Variants in ADAT2 observed in about 807,000 individuals in gnomAD.
ADAT2 encodes tRNA-specific adenosine-34 deaminase catalytic subunit ADAT2.
In ADAT2, 26 loss-of-function variants were observed where a neutral mutation model predicts 25.9. The observed-to-expected ratio is 1.00, with a 90% CI of 0.74 to 1.39. ADAT2 has a LOEUF of 1.39. Among genes scored for constraint, ADAT2 ranks in the 40% most tolerant of loss-of-function variants. The pLI is 0.00. For synonymous variants in ADAT2, 76 were observed against 86.8 expected (o/e 0.88, Z 0.69); for missense variants, 220 against 244.8 (o/e 0.90, Z 0.68).
chr6:143,449,408 T>C (rs1455213897), intron 1 of ADAT2, among the ~76,000 whole-genome samples: 1 of 152,220 alleles, frequency 6.6e-6, no homozygotes, highest in Non-Finnish European at 1.5e-5. Flanking sequence ...TCTAGACCTC[T>C]CTGGCTTTGA....
Position 143,425,293 on chromosome 6 carries a change from T to C in ADAT2, c.*3170A>G, listed in dbSNP as rs1269490869. Reference sequence around the variant, plus strand: ...GCTTTGGGAGGCCAAGGAAGGAGGATTGCTTCAGCCTAGGAGTTCAAGACC... The same window carrying C: ...GCTTTGGGAGGCCAAGGAAGGAGGACTGCTTCAGCCTAGGAGTTCAAGACC... On this transcript the variant is annotated 3_prime_UTR_variant, in exon 6 of 6. Coordinates refer to ENST00000237283, the MANE Select transcript of ADAT2 (RefSeq NM_182503.3). 2 of 150,710 alleles carry C rather than the reference T, an allele frequency of 1.3e-5. No homozygotes were observed. Among genetic ancestry groups the C allele is most frequent in the African/African-American group, 2.5e-5 (1 of 40,238 alleles). The allele number at this position is 150,710 out of a possible 1,614,324, so 9.3% of individuals were successfully genotyped here. A position where few individuals can be genotyped will look rare whatever the true frequency, so the allele number is the denominator to read the frequency against.
intron 1 of ADAT2, among the ~76,000 whole-genome samples, chr6:143,448,259 G>T (rs565742084): frequency 6.6e-6 from 1 of 152,004 alleles, no homozygotes; most frequent in Non-Finnish European, 1.5e-5. Context: ...CATGGGGTTG[G>T]GGGGAGAGGG....
At position 143,434,173 on chromosome 6, in the gene ADAT2, A is replaced by G. The variant is rs890924562; in HGVS notation, c.202-192T>C. On this transcript the variant is annotated intron_variant, in intron 2 of 5. Coordinates refer to ENST00000237283, the MANE Select transcript of ADAT2 (RefSeq NM_182503.3). This position sits in a 1 kb window ranked among gnomAD's most constrained non-coding sequence, Gnocchi z 4.5. ...AGTACCATAACCTCACTTGCGAAAGATATCTAATCAGAGATGCCACAGGAA... is the reference window on the plus strand; with the variant it reads ...AGTACCATAACCTCACTTGCGAAAGGTATCTAATCAGAGATGCCACAGGAA... 1.3e-5 allele frequency among the ~76,000 whole-genome samples: 2 copies of G among 152,218 alleles called. No homozygotes were observed. The highest frequency in any genetic ancestry group is 2.1e-4 in the South Asian group (1 of 4,836).
At chr6:143,449,052 C>CTTTTTTT (rs145460814) in intron 1 of ADAT2, among the ~76,000 whole-genome samples, 31 of 151,200 alleles carry the variant, frequency 2.1e-4, no homozygotes, top group African/African-American at 2.9e-4. Flanking sequence ...TACTTTGTAT[C>CTTTTTTT]TTTTTCTTTT....
At position 143,440,704 on chromosome 6, in the gene ADAT2, T is replaced by G. The variant is rs540936571; in HGVS notation, c.97-2010A>C. Among the ~76,000 whole-genome samples the G allele has an allele frequency of 6.6e-5, 10 of 152,272 alleles. No individual in the cohort carries two copies. In the South Asian group the frequency reaches 1.9e-3, roughly 28 times the overall value. On this transcript the variant is annotated intron_variant, in intron 1 of 5. Transcript: ENST00000237283. The surrounding 1 kb of genome is among the most constrained non-coding windows in gnomAD (Gnocchi z 4.5). ...TTGGTTAATATAGACAAATGCACCA[T>G]AGGCTACTATAGAGAAGAAAGCCAG...
intron 1 of ADAT2, among the ~76,000 whole-genome samples, 164 bp from the exon 2 acceptor site, chr6:143,438,858 C>T (rs958922281): frequency 6.6e-6 from 1 of 152,082 alleles, no homozygotes; most frequent in African/African-American, 2.4e-5. Flanking sequence ...TATTTAGTGC[C>T]CGTGTTCTGT....
At chr6:143,433,233 A>C (rs915820753) in intron 3 of ADAT2, among the ~76,000 whole-genome samples, 2 of 152,220 alleles carry the variant, frequency 1.3e-5, no homozygotes, top group African/African-American at 2.4e-5. Context: ...TTCAATTTTC[A>C]AATAATTTTT....
At position 143,434,905 on chromosome 6, in the gene ADAT2, T is replaced by A. The variant is rs1358451610; in HGVS notation, c.202-924A>T. ...GCACAAGCCACTGGGCTAAATAAAT[T>A]CTGTGTAGGATAAAAAGTCTCTGTC... is the stretch of plus-strand genomic sequence containing the variant. On this transcript the variant is annotated intron_variant, in intron 2 of 5. Coordinates refer to ENST00000237283, the MANE Select transcript of ADAT2 (RefSeq NM_182503.3). The surrounding 1 kb of genome is among the most constrained non-coding windows in gnomAD (Gnocchi z 4.5). 6.6e-6 allele frequency among the ~76,000 whole-genome samples: 1 copy of A among 152,128 alleles called. No individual in the cohort carries two copies. The highest frequency in any genetic ancestry group is 1.5e-5 in the Non-Finnish European group (1 of 68,020).
rs191185618 is a variant in ADAT2, at chr6:143,428,598, A to C, written c.532+14T>G. 2.5e-6 allele frequency: 4 copies of C among 1,613,904 alleles called. No individual in the cohort carries two copies. The Admixed American group carries it at 6.7e-5, about 27-fold the overall frequency. On this transcript the variant is annotated intron_variant, in intron 5 of 5. Coordinates refer to ENST00000237283, the MANE Select transcript of ADAT2 (RefSeq NM_182503.3). The surrounding 1 kb of genome is among the most constrained non-coding windows in gnomAD (Gnocchi z 5.0). Reference sequence around the variant, plus strand: ...GATTTAAGGGAAGGACATTATCCACAACAGAAAACTGACCATTTGGATTTT... The same window carrying C: ...GATTTAAGGGAAGGACATTATCCACCACAGAAAACTGACCATTTGGATTTT...
Position 143,440,253 on chromosome 6 carries a change from C to A in ADAT2, c.97-1559G>T, listed in dbSNP as rs940018499. On this transcript the variant is annotated intron_variant, in intron 1 of 5. Transcript: ENST00000237283. This position sits in a 1 kb window ranked among gnomAD's most constrained non-coding sequence, Gnocchi z 4.5. ...ATTCTCACTTAAGTGCAGGTACTTA[C>A]ACACATCATAGGGCATATAAAGTGC... 5.3e-5 allele frequency among the ~76,000 whole-genome samples: 8 copies of A among 152,190 alleles called. No individual in the cohort carries two copies. The highest frequency in any genetic ancestry group is 1.9e-4 in the African/African-American group (8 of 41,444).
At chr6:143,449,475 C>T (rs1306315087) in intron 1 of ADAT2, among the ~76,000 whole-genome samples, 2 of 152,132 alleles carry the variant, frequency 1.3e-5, no homozygotes, top group African/African-American at 2.4e-5. Flanking sequence ...CCATAGTTTA[C>T]GTCCTCCTAC....
rs4605902 is a variant in ADAT2 at position 143,444,006 on chromosome 6, T to C, written c.97-5312A>G. Among the ~76,000 whole-genome samples the C allele has an allele frequency of 0.24, 36,188 of 151,862 alleles. 4,805 individuals are homozygous for C. The highest frequency in any genetic ancestry group is 0.3 in the Middle Eastern group (89 of 294). On this transcript the variant is annotated intron_variant, in intron 1 of 5. Transcript: ENST00000237283. This position sits in a 1 kb window ranked among gnomAD's most constrained non-coding sequence, Gnocchi z 4.3. Reference sequence around the variant, plus strand: ...CCGAGTGGAAAGGACGTGAGTGGGATGGGAGATGAGATTCCATGTTGCCTG... The same window carrying C: ...CCGAGTGGAAAGGACGTGAGTGGGACGGGAGATGAGATTCCATGTTGCCTG...
At position 143,442,259 on chromosome 6, in the gene ADAT2, C is replaced by T. The variant is rs1335796630; in HGVS notation, c.97-3565G>A. ...AATGAACTATCGATAATCTCAACAA[C>T]TTGGATGGATCTCATGGGAATCATG... On this transcript the variant is annotated intron_variant, in intron 1 of 5. Coordinates refer to ENST00000237283, the MANE Select transcript of ADAT2 (RefSeq NM_182503.3). The surrounding 1 kb of genome is among the most constrained non-coding windows in gnomAD (Gnocchi z 4.6). 6.6e-6 allele frequency among the ~76,000 whole-genome samples: 1 copy of T among 152,160 alleles called. No individual in the cohort carries two copies. The highest frequency in any genetic ancestry group is 6.5e-5 in the Admixed American group (1 of 15,274).
In ADAT2 at chr6:143,444,308, G is replaced by A. The variant is rs1052185811; in HGVS notation, c.97-5614C>T. Reference sequence around the variant, plus strand: ...GTTGAGGAATGGCCGAGCCTGCCATGCTGAGGATGAGTGGGTAAGCAACTG... The same window carrying A: ...GTTGAGGAATGGCCGAGCCTGCCATACTGAGGATGAGTGGGTAAGCAACTG... On this transcript the variant is annotated intron_variant, in intron 1 of 5. Coordinates refer to ENST00000237283, the MANE Select transcript of ADAT2 (RefSeq NM_182503.3). The surrounding 1 kb of genome is among the most constrained non-coding windows in gnomAD (Gnocchi z 4.3). Among the ~76,000 whole-genome samples, 2 of 152,142 alleles carry A rather than the reference G, an allele frequency of 1.3e-5. No homozygotes were observed. Among genetic ancestry groups the A allele is most frequent in the Non-Finnish European group, 2.9e-5 (2 of 68,028 alleles).
intron 3 of ADAT2, 132 bp downstream of exon 3, chr6:143,433,699 T>C (rs1779182113): frequency 2.1e-6 from 2 of 937,058 alleles, no homozygotes; most frequent in Non-Finnish European, 3.0e-6. Flanking sequence ...TTTTTTTGGC[T>C]AAGACACACT....
intron 1 of ADAT2, among the ~76,000 whole-genome samples, chr6:143,445,742 G>A (rs894647458): frequency 2.0e-5 from 3 of 152,130 alleles, no homozygotes; most frequent in South Asian, 2.1e-4. Flanking sequence ...CAGGCACTAC[G>A]AAGCTTCTCT....
intron 1 of ADAT2, 125 bp downstream of exon 1, chr6:143,450,438 A>AC: frequency 9.7e-7 from 1 of 1,034,514 alleles, no homozygotes; most frequent in Non-Finnish European, 1.5e-6. Context: ...CCAGTTGTTC[A>AC]CCCAGAACAT....
rs2128736245 is a variant in ADAT2, at chr6:143,423,881, A to G, written c.*4582T>C. ...AAAGCTGGGCTGTATAGGCCCATCAAGAATGGGGGCCAAGGTGGAGGCCTG... is the reference window on the plus strand; with the variant it reads ...AAAGCTGGGCTGTATAGGCCCATCAGGAATGGGGGCCAAGGTGGAGGCCTG... On this transcript the variant is annotated 3_prime_UTR_variant, in exon 6 of 6. Transcript: ENST00000237283. 1 of 152,360 alleles carries G rather than the reference A, an allele frequency of 6.6e-6. No individual in the cohort carries two copies. The highest frequency in any genetic ancestry group is 3.4e-3 in the Middle Eastern group (1 of 296). 9.4% of individuals were successfully genotyped at this position (152,360 alleles called of 1,614,324 possible).
At position 143,424,530 on chromosome 6, in the gene ADAT2, G is replaced by A. The variant is rs1348073665; in HGVS notation, c.*3933C>T. 3 of 152,178 alleles carry A rather than the reference G, an allele frequency of 2.0e-5. No individual in the cohort carries two copies. The highest frequency in any genetic ancestry group is 3.8e-4 in the East Asian group (2 of 5,202). 9.4% of individuals were successfully genotyped at this position (152,178 alleles called of 1,614,324 possible). A position where few individuals can be genotyped will look rare whatever the true frequency, so the allele number is the denominator to read the frequency against. ...TTATGACCAAATGACAACCTACCTA[G>A]AGTGTTTATCCCATTGGATCACCAT... is the stretch of plus-strand genomic sequence containing the variant. On this transcript the variant is annotated 3_prime_UTR_variant, in exon 6 of 6. Coordinates refer to ENST00000237283, the MANE Select transcript of ADAT2 (RefSeq NM_182503.3). The surrounding 1 kb of genome is among the most constrained non-coding windows in gnomAD (Gnocchi z 4.8).
Sources: gnomAD v4.1 joint callset for allele counts (sites outside exome capture counted in the v4.1 genomes callset) on GRCh38, gnomAD v4.1.1 for gene constraint, Gnocchi (gnomAD v3.1) non-coding constraint, MANE v1.5 for transcripts, NCBI Gene and HGNC (gene_info 2026-07-23, HGNC 2026-07-21) for gene names.